Variants in ABCC9 observed in about 807,000 individuals in gnomAD.
The protein encoded by ABCC9 is ATP binding cassette subfamily C member 9.
ABCC9 carries 95 observed loss-of-function variants against 188.3 expected under a neutral mutation model. That is an observed-to-expected ratio of 0.50 (90% CI 0.43 to 0.60). The LOEUF is 0.60. ABCC9 is among the 20% of genes least tolerant of loss of function. The pLI is 0.00. For synonymous variants in ABCC9, 659 were observed against 652.7 expected (o/e 1.01, Z -0.15); for missense variants, 1,102 against 1,876.3 (o/e 0.59, Z 7.62).
At chr12:21,874,644 G>A (rs999926340) in intron 17 of ABCC9, among the ~76,000 whole-genome samples, 5 of 152,092 alleles carry the variant, frequency 3.3e-5, no homozygotes, top group Admixed American at 6.6e-5. Flanking sequence ...TAAAGAAAAT[G>A]TGGTATATAT....
chr12:21,836,538 A>G (rs531482064), intron 30 of ABCC9, among the ~76,000 whole-genome samples: 1 of 152,312 alleles, frequency 6.6e-6, no homozygotes, highest in Admixed American at 6.5e-5. Context: ...TTCAATAATT[A>G]TCTCCCCATT....
At chr12:21,884,686 C>A (rs539011805) in intron 15 of ABCC9, among the ~76,000 whole-genome samples, 1 of 152,102 alleles carries the variant, frequency 6.6e-6, no homozygotes, top group East Asian at 1.9e-4. Context: ...AGGCTACATG[C>A]AAATAAATAC....
intron 29 of ABCC9, among the ~76,000 whole-genome samples, chr12:21,838,606 A>G (rs1944224638): frequency 1.3e-5 from 2 of 152,198 alleles, no homozygotes; most frequent in South Asian, 2.1e-4. Flanking sequence ...TGCAAGTTCA[A>G]TCTGTCTGGT....
At chr12:21,894,876 CTTG>C (rs759665609) in intron 13 of ABCC9, among the ~76,000 whole-genome samples, 1 of 152,186 alleles carries the variant, frequency 6.6e-6, no homozygotes, top group Non-Finnish European at 1.5e-5. Context: ...CTAGCTCCAT[CTTG>C]TTGTAAGAGT....
At chr12:21,837,217 C>G (rs764597347) in intron 30 of ABCC9, among the ~76,000 whole-genome samples, 3 of 152,068 alleles carry the variant, frequency 2.0e-5, no homozygotes, top group African/African-American at 7.2e-5. Context: ...AGGAATTGCA[C>G]ATTATGATGG....
intron 2 of ABCC9, among the ~76,000 whole-genome samples, chr12:21,939,735 G>T (rs968917166): frequency 6.6e-6 from 1 of 152,214 alleles, no homozygotes; most frequent in Non-Finnish European, 1.5e-5. Flanking sequence ...TTGTTTATGA[G>T]AGGTGATAGA....
At chr12:21,930,636 A>C (rs1163028144) in intron 4 of ABCC9, among the ~76,000 whole-genome samples, 4 of 152,224 alleles carry the variant, frequency 2.6e-5, no homozygotes, top group Non-Finnish European at 5.9e-5. Context: ...TTATGTCTAC[A>C]CAATATGTGC....
chr12:21,808,179 A>G (rs1941989428), intron 37 of ABCC9, among the ~76,000 whole-genome samples: 3 of 152,004 alleles, frequency 2.0e-5, no homozygotes, highest in African/African-American at 2.4e-5. Context: ...ATTTCTATTG[A>G]TTATATTCTA....
intron 22 of ABCC9, among the ~76,000 whole-genome samples, chr12:21,858,721 C>T (rs1301470785): frequency 6.6e-6 from 1 of 152,114 alleles, no homozygotes; most frequent in Non-Finnish European, 1.5e-5. Flanking sequence ...ATTCTGCTAC[C>T]ATCCCCAATG....
At chr12:21,805,913 A>G in intron 39 of ABCC9, 85 bp downstream of exon 39, 1 of 1,225,738 alleles carries the variant, frequency 8.2e-7, no homozygotes, top group South Asian at 1.2e-5. Context: ...AATTCAACAC[A>G]AGTATATTTT....
At position 21,863,070 on chromosome 12, in the gene ABCC9, GA is replaced by G. The variant is rs4148670; in HGVS notation, c.2238-17del. ...CCTGTTCCTACTGAAAAATGAAAAA[GA>G]AAAAAAAAAACACCAGGATTATGCA... On this transcript the variant is annotated splice_polypyrimidine_tract_variant and intron_variant, in intron 19 of 39. Coordinates refer to ENST00000261200, the MANE Select transcript of ABCC9 (RefSeq NM_020297.4). 0.3 allele frequency: 386,210 copies of G among 1,287,742 alleles called. 36,906 individuals are homozygous for G. The highest frequency in any genetic ancestry group is 0.42 in the Admixed American group (21,331 of 51,318). 79.8% of individuals were successfully genotyped at this position (1,287,742 alleles called of 1,614,324 possible).
intron 5 of ABCC9, among the ~76,000 whole-genome samples, chr12:21,917,391 C>T (rs988467419): frequency 6.6e-5 from 10 of 152,110 alleles, no homozygotes; most frequent in Non-Finnish European, 1.2e-4. Context: ...TCAAAATGTA[C>T]GTGTAAGTCT....
rs560359339 is a variant in ABCC9, at chr12:21,830,581, A to G, written c.3567-1521T>C. Among the ~76,000 whole-genome samples, 37 of 152,316 alleles carry G rather than the reference A, an allele frequency of 2.4e-4. No individual in the cohort carries two copies. In the East Asian group the frequency reaches 6.9e-3, roughly 29 times the overall value. ...TGTCAAAGAATGAAGATATCCTGGG[A>G]GGGGTGTTCATTTGGCCCACTGAAG... On this transcript the variant is annotated intron_variant, in intron 30 of 39. Coordinates refer to ENST00000261200, the MANE Select transcript of ABCC9 (RefSeq NM_020297.4).
chr12:21,922,682 A>G (rs556398298), intron 5 of ABCC9, among the ~76,000 whole-genome samples: 5 of 151,544 alleles, frequency 3.3e-5, no homozygotes, highest in East Asian at 3.9e-4. Context: ...GAAGATGCCA[A>G]TTATCTCCTG....
At chr12:21,834,110 C>T (rs556569121) in intron 30 of ABCC9, among the ~76,000 whole-genome samples, 1 of 152,284 alleles carries the variant, frequency 6.6e-6, no homozygotes, top group South Asian at 2.1e-4. Flanking sequence ...TTATCAATAG[C>T]TTCATGGTTG....
chr12:21,906,865 G>A (rs1022608053), intron 11 of ABCC9, among the ~76,000 whole-genome samples: 3 of 151,946 alleles, frequency 2.0e-5, no homozygotes, highest in Non-Finnish European at 2.9e-5. Context: ...CTTGGGTAAG[G>A]CTTAAGTTAG....
At chr12:21,828,895 G>T (rs566197680) in intron 31 of ABCC9, 63 bp downstream of exon 31, 14 of 1,319,140 alleles carry the variant, frequency 1.1e-5, no homozygotes, top group Non-Finnish European at 1.5e-5. Context: ...ACAACTGTCT[G>T]CCTCTTTGCA....
intron 7 of ABCC9, among the ~76,000 whole-genome samples, 154 bp downstream of exon 7, chr12:21,915,514 A>ATATATATTTTTT: frequency 2.8e-4 from 1 of 3,522 alleles, no homozygotes; most frequent in African/African-American, 1.1e-3. Context: ...ATATATATAT[A>ATATATATTTTTT]TTTTTTTTTT....
At chr12:21,813,835 T>G (rs2137160128) in intron 35 of ABCC9, among the ~76,000 whole-genome samples, 1 of 151,816 alleles carries the variant, frequency 6.6e-6, no homozygotes, top group African/African-American at 2.4e-5. Flanking sequence ...TTGTGTAGAT[T>G]AAATTCAATA....
Sources: allele counts gnomAD v4.1 joint callset (sites outside exome capture counted in the v4.1 genomes callset), GRCh38; gene constraint gnomAD v4.1.1; transcripts MANE v1.5; gene names NCBI Gene and HGNC (gene_info 2026-07-23, HGNC 2026-07-21).